The following INSC variants were observed in gnomAD, a reference collection of about 807,000 sequenced individuals.
INSC encodes INSC spindle orientation adaptor protein.
INSC carries 67 observed loss-of-function variants against 58.6 expected under a neutral mutation model. The observed-to-expected ratio is 1.14, with a 90% CI of 0.94 to 1.40. The LOEUF (loss-of-function observed/expected upper bound fraction) is 1.40. INSC is among the 40% of genes most tolerant of loss of function. The pLI, the probability that INSC is intolerant of heterozygous loss-of-function variation, is 0.00. For missense variants in INSC, 714 were observed against 692.0 expected (o/e 1.03, Z -0.36); for synonymous variants, 262 against 276.1 (o/e 0.95, Z 0.51).
intron 1 of INSC, among the ~76,000 whole-genome samples, chr11:15,128,789 T>C (rs1023102970): frequency 1.3e-5 from 2 of 152,190 alleles, no homozygotes; most frequent in African/African-American, 4.8e-5. Flanking sequence ...CGCCCAGCTA[T>C]GCAAAGATTA....
At chr11:15,140,462 G>A (rs1848341975) in intron 1 of INSC, among the ~76,000 whole-genome samples, 1 of 152,158 alleles carries the variant, frequency 6.6e-6, no homozygotes, top group South Asian at 2.1e-4. Context: ...GCCAGGCAAA[G>A]CCTTATTTGG....
intron 7 of INSC, among the ~76,000 whole-genome samples, chr11:15,202,884 C>T (rs1267219150): frequency 1.3e-5 from 2 of 152,210 alleles, no homozygotes. Flanking sequence ...TGCCAGAGTG[C>T]TTTAATGTGT....
At chr11:15,133,189 A>G (rs1211851450) in intron 1 of INSC, among the ~76,000 whole-genome samples, 1 of 151,454 alleles carries the variant, frequency 6.6e-6, no homozygotes, top group African/African-American at 2.4e-5. Flanking sequence ...GTTCTCTCGT[A>G]TTTTTTCTCT....
chr11:15,112,203 C>T (rs1013428306), upstream of INSC, among the ~76,000 whole-genome samples: 3 of 152,090 alleles, frequency 2.0e-5, no homozygotes, highest in Non-Finnish European at 2.9e-5. Context: ...CTAGGGCCGG[C>T]GCCGGGGATG....
Position 15,149,115 on chromosome 11 carries a change from G to T in INSC, c.-45-15G>T. 1.3e-6 allele frequency: 2 copies of T among 1,591,994 alleles called. No individual in the cohort carries two copies. Among genetic ancestry groups the T allele is most frequent in the Non-Finnish European group, 1.7e-6 (2 of 1,169,532 alleles). ...TTTTAGGATCTCGTTGTGCCATCCTGCCCTCTATTTTCAGGGTCACGACCG... is the reference window on the plus strand; with the variant it reads ...TTTTAGGATCTCGTTGTGCCATCCTTCCCTCTATTTTCAGGGTCACGACCG... On this transcript the variant is annotated splice_polypyrimidine_tract_variant and intron_variant, in intron 1 of 12. Transcript: ENST00000379556.
chr11:15,114,850 G>A (rs1452581732), upstream of INSC: 13 of 805,060 alleles, frequency 1.6e-5, no homozygotes, highest in Non-Finnish European at 1.8e-5. Flanking sequence ...GGAGAGGGCG[G>A]GCGGGGGAGA....
intron 12 of INSC, among the ~76,000 whole-genome samples, chr11:15,244,579 C>A (rs1393787586): frequency 6.6e-6 from 1 of 152,134 alleles, no homozygotes; most frequent in African/African-American, 2.4e-5. Flanking sequence ...TACCTGTGTG[C>A]ATAGGTCTGA....
At chr11:15,239,778 G>C (rs527354680) in intron 11 of INSC, among the ~76,000 whole-genome samples, 1 of 152,286 alleles carries the variant, frequency 6.6e-6, no homozygotes, top group African/African-American at 2.4e-5. Flanking sequence ...TCAAAGAATG[G>C]TTTAACAAGG....
chr11:15,234,168 A>G (rs1852031748), intron 9 of INSC, among the ~76,000 whole-genome samples: 1 of 152,212 alleles, frequency 6.6e-6, no homozygotes, highest in South Asian at 2.1e-4. Context: ...AAGGTTCTGG[A>G]GTATTCTCCT....
downstream of INSC, among the ~76,000 whole-genome samples, chr11:15,251,628 G>A (rs140815838): frequency 1.6e-4 from 24 of 152,256 alleles, no homozygotes; most frequent in East Asian, 4.4e-3. Context: ...GCATAGAAAT[G>A]GTAAAAAGGT....
chr11:15,156,205 A>G (rs1848809724), intron 2 of INSC, among the ~76,000 whole-genome samples: 1 of 152,202 alleles, frequency 6.6e-6, no homozygotes, highest in African/African-American at 2.4e-5. Flanking sequence ...TGTTGAAAAC[A>G]TGCACCCCAA....
At chr11:15,256,129 C>A in the INSC span, among the ~76,000 whole-genome samples, 1 of 152,166 alleles carries the variant, frequency 6.6e-6, no homozygotes, top group Non-Finnish European at 1.5e-5. Context: ...TTTCTACTCA[C>A]AGGGAAGGCA....
intron 6 of INSC, among the ~76,000 whole-genome samples, chr11:15,194,532 T>G (rs1850300502): frequency 6.6e-6 from 1 of 152,224 alleles, no homozygotes; most frequent in Non-Finnish European, 1.5e-5. Context: ...ATCTTAATAT[T>G]AGAGCACGGT....
rs148532979 is a variant in INSC, at chr11:15,199,327, A to G, written c.694-1497A>G. Among the ~76,000 whole-genome samples the G allele has an allele frequency of 1.1e-3, 175 of 152,312 alleles. 1 individual carries two copies. The highest frequency in any genetic ancestry group is 2.2e-3 in the African/African-American group (93 of 41,584). ...TGTGATTACTCTTAGCTGATTATAA[A>G]ATGTCAGAAATTATGAACTCCTCCA... On this transcript the variant is annotated intron_variant, in intron 6 of 12. Coordinates refer to ENST00000379556, the MANE Select transcript of INSC (RefSeq NM_001042536.3).
chr11:15,133,763 G>A (rs1277888726), intron 1 of INSC, among the ~76,000 whole-genome samples: 1 of 152,112 alleles, frequency 6.6e-6, no homozygotes, highest in Non-Finnish European at 1.5e-5. Context: ...AGGTTTCCTG[G>A]TTCTTCTTTT....
At chr11:15,138,627 T>G (rs1437369266) in intron 1 of INSC, among the ~76,000 whole-genome samples, 2 of 152,238 alleles carry the variant, frequency 1.3e-5, no homozygotes, top group African/African-American at 2.4e-5. Context: ...GGATCTGAAG[T>G]CTGGATAGGA....
chr11:15,188,228 G>A (rs954295326), intron 5 of INSC: 17 of 985,300 alleles, frequency 1.7e-5, no homozygotes, highest in African/African-American at 3.5e-5. Context: ...TGTTAGATGC[G>A]AAGGGAATGG....
At chr11:15,235,293 C>G (rs1028569449) in intron 9 of INSC, 6 of 400,614 alleles carry the variant, frequency 1.5e-5, no homozygotes, top group Non-Finnish European at 2.8e-5. Flanking sequence ...GACTGGGGAC[C>G]AGAGCAGAAA....
At chr11:15,112,657 G>T, upstream of INSC, 1 of 227,042 alleles carries the variant, frequency 4.4e-6, no homozygotes, top group Non-Finnish European at 8.8e-6. Flanking sequence ...TGGGGGGGGG[G>T]CATTTATGCC....
Sources: allele counts gnomAD v4.1 joint callset (sites outside exome capture counted in the v4.1 genomes callset), GRCh38; gene constraint gnomAD v4.1.1; transcripts MANE v1.5; gene names NCBI Gene and HGNC (gene_info 2026-07-23, HGNC 2026-07-21).